The following RSU1 variants were observed in gnomAD, a reference collection of about 807,000 sequenced individuals.
RSU1 encodes Ras suppressor protein 1, also known as rsu-1.
RSU1 carries 26 observed loss-of-function variants against 31.1 expected under a neutral mutation model. The observed-to-expected ratio is 0.84, with a 90% CI of 0.61 to 1.16. RSU1 has a LOEUF of 1.16. Among genes scored for constraint, RSU1 ranks in the 50% most tolerant of loss-of-function variants. RSU1 has a pLI of 0.00. For missense variants in RSU1, 320 were observed against 339.1 expected (o/e 0.94, Z 0.44); for synonymous variants, 164 against 136.3 (o/e 1.20, Z -1.41).
At position 16,591,517 on chromosome 10, in the gene RSU1, T is replaced by C. The variant is rs1588662537; in HGVS notation, c.*1877A>G. Reference sequence around the variant, plus strand: ...GTAGCCATGTGAAAGAATGTTTATTTCATGTTACTCCTCTTGCACTTAATA... The same window carrying C: ...GTAGCCATGTGAAAGAATGTTTATTCCATGTTACTCCTCTTGCACTTAATA... On this transcript the variant is annotated 3_prime_UTR_variant, in exon 9 of 9. Coordinates refer to ENST00000345264, the MANE Select transcript of RSU1 (RefSeq NM_012425.4). 1 of 152,222 alleles carries C rather than the reference T, an allele frequency of 6.6e-6. No homozygotes were observed. The highest frequency in any genetic ancestry group is 1.5e-5 in the Non-Finnish European group (1 of 68,036). The allele number at this position is 152,222 out of a possible 1,614,324, so 9.4% of individuals were successfully genotyped here. A position where few individuals can be genotyped will look rare whatever the true frequency, so the allele number is the denominator to read the frequency against.
At chr10:16,629,329 G>C (rs1834209385) in intron 8 of RSU1, among the ~76,000 whole-genome samples, 1 of 152,086 alleles carries the variant, frequency 6.6e-6, no homozygotes, top group African/African-American at 2.4e-5. Context: ...TTAACCTTTT[G>C]AACAGGACCG....
chr10:16,745,699 A>G (rs945334900), intron 7 of RSU1, among the ~76,000 whole-genome samples: 2 of 152,178 alleles, frequency 1.3e-5, no homozygotes, highest in African/African-American at 4.8e-5. Flanking sequence ...TATGGGAGCT[A>G]CCAGATGAGA....
intron 3 of RSU1, among the ~76,000 whole-genome samples, chr10:16,777,264 TA>T (rs55960264): frequency 1.8e-4 from 26 of 146,316 alleles, no homozygotes; most frequent in East Asian, 2.0e-4. Flanking sequence ...TTCCACAGAT[TA>T]AAAAAAAAAA....
intron 7 of RSU1, among the ~76,000 whole-genome samples, chr10:16,717,858 A>G (rs1220289422): frequency 4.6e-5 from 7 of 152,150 alleles, no homozygotes; most frequent in Non-Finnish European, 1.5e-5. Context: ...ATTACTATAA[A>G]TAACAGAGTG....
intron 7 of RSU1, among the ~76,000 whole-genome samples, chr10:16,710,697 T>C (rs1179049091): frequency 6.6e-6 from 1 of 152,136 alleles, no homozygotes; most frequent in African/African-American, 2.4e-5. Context: ...CTTTAAGTTC[T>C]GGGATATATG....
At chr10:16,646,859 G>A (rs867874978) in intron 8 of RSU1, among the ~76,000 whole-genome samples, 1 of 152,184 alleles carries the variant, frequency 6.6e-6, no homozygotes, top group Non-Finnish European at 1.5e-5. Flanking sequence ...AATGAGGCTG[G>A]AATCAACACG....
intron 7 of RSU1, among the ~76,000 whole-genome samples, chr10:16,713,169 TATA>T (rs1836058192): frequency 1.3e-5 from 2 of 152,190 alleles, no homozygotes; most frequent in Non-Finnish European, 2.9e-5. Context: ...AGAGTATGAT[TATA>T]ATGTGCCTCA....
At chr10:16,792,467 G>A (rs1019056793) in intron 2 of RSU1, among the ~76,000 whole-genome samples, 2 of 152,206 alleles carry the variant, frequency 1.3e-5, no homozygotes, top group African/African-American at 2.4e-5. Flanking sequence ...TCCCGACCTC[G>A]TGATCCACCC....
At chr10:16,680,446 C>T (rs1307697862) in intron 8 of RSU1, among the ~76,000 whole-genome samples, 1 of 152,140 alleles carries the variant, frequency 6.6e-6, no homozygotes, top group African/African-American at 2.4e-5. Context: ...TGAGGCTAGG[C>T]AATTTATACA....
intron 8 of RSU1, among the ~76,000 whole-genome samples, chr10:16,640,993 T>C (rs1380836996): frequency 6.6e-6 from 1 of 152,212 alleles, no homozygotes; most frequent in Admixed American, 6.5e-5. Flanking sequence ...AGTATCATTG[T>C]TCCCACCATG....
At chr10:16,642,415 G>A (rs1279680560) in intron 8 of RSU1, among the ~76,000 whole-genome samples, 1 of 152,144 alleles carries the variant, frequency 6.6e-6, no homozygotes, top group East Asian at 1.9e-4. Flanking sequence ...TTAGCAATAG[G>A]AATCTATTAC....
At chr10:16,764,929 T>C (rs902010122) in intron 3 of RSU1, among the ~76,000 whole-genome samples, 10 of 151,802 alleles carry the variant, frequency 6.6e-5, no homozygotes, top group African/African-American at 1.9e-4. Context: ...GAAGAAGAAA[T>C]GCTTCTTCGT....
intron 7 of RSU1, among the ~76,000 whole-genome samples, chr10:16,745,123 G>C (rs767583377): frequency 2.0e-4 from 30 of 152,164 alleles, no homozygotes; most frequent in Non-Finnish European, 3.8e-4. Flanking sequence ...TGTTTCAGAA[G>C]AGCCCAGGTT....
chr10:16,764,696 C>G (rs1199180076), intron 3 of RSU1, among the ~76,000 whole-genome samples, 186 bp from the exon 4 acceptor site: 19 of 152,274 alleles, frequency 1.2e-4, no homozygotes, highest in African/African-American at 4.1e-4. Flanking sequence ...TTCTGAGTGG[C>G]TGCTTAAATG....
chr10:16,814,549 T>G (rs1838486751), intron 2 of RSU1, among the ~76,000 whole-genome samples: 1 of 152,078 alleles, frequency 6.6e-6, no homozygotes, highest in Non-Finnish European at 1.5e-5. Context: ...ACTGTGTCAG[T>G]GTGTGTGCAC....
At chr10:16,690,732 C>T (rs144765254) in intron 8 of RSU1, among the ~76,000 whole-genome samples, 2 of 152,124 alleles carry the variant, frequency 1.3e-5, no homozygotes, top group African/African-American at 2.4e-5. Flanking sequence ...CTGTGAACGC[C>T]GATCATAGAC....
intron 2 of RSU1, among the ~76,000 whole-genome samples, chr10:16,785,495 T>TAC (rs1564357371): frequency 2.9e-5 from 4 of 138,534 alleles, no homozygotes; most frequent in African/African-American, 1.2e-4. Context: ...TATACATATA[T>TAC]ATATACACAT....
intron 8 of RSU1, among the ~76,000 whole-genome samples, chr10:16,667,053 C>A (rs532710400): frequency 1.0e-3 from 151 of 151,738 alleles, no homozygotes; most frequent in East Asian, 9.1e-3. Context: ...ACAACAACAA[C>A]AAAAAACAAA....
chr10:16,761,871 C>G (rs1251327968), intron 4 of RSU1, among the ~76,000 whole-genome samples: 3 of 151,900 alleles, frequency 2.0e-5, no homozygotes. Context: ...CAAAACAAAA[C>G]AAAAGAGTGC....
Sources: allele counts gnomAD v4.1 joint callset (sites outside exome capture counted in the v4.1 genomes callset), GRCh38; gene constraint gnomAD v4.1.1; transcripts MANE v1.5; gene names NCBI Gene and HGNC (gene_info 2026-07-23, HGNC 2026-07-21).